Variants in ATRN observed in about 807,000 individuals in gnomAD.
The protein encoded by ATRN is attractin-2.
A neutral mutation model predicts 178.7 loss-of-function variants in ATRN; 54 were observed. The observed-to-expected ratio is 0.30, with a 90% CI of 0.24 to 0.38. The LOEUF (loss-of-function observed/expected upper bound fraction) is 0.38. Among genes scored for constraint, ATRN ranks in the 10% least tolerant of loss-of-function variants. The pLI, the probability that ATRN is intolerant of heterozygous loss-of-function variation, is 1.00. For missense variants in ATRN, 1,443 were observed against 1,815.1 expected (o/e 0.79, Z 3.73); for synonymous variants, 636 against 663.0 (o/e 0.96, Z 0.63).
chr20:3,487,734 T>C (rs186675451), intron 1 of ATRN, among the ~76,000 whole-genome samples: 2 of 152,348 alleles, frequency 1.3e-5, no homozygotes, highest in African/African-American at 4.8e-5. Context: ...ATGTTAATTT[T>C]ATTTTCTTAT....
rs374269038 is a variant in ATRN at position 3,598,003 on chromosome 20, A to G, written c.3564+3A>G. 12 of 1,583,032 alleles carry G rather than the reference A, an allele frequency of 7.6e-6. No homozygotes were observed. The African/African-American group carries it at 1.5e-4, about 20-fold the overall frequency. ...ATTTTGTGGCTACTCCTGACGAAGT[A>G]AGATTTTTTAAAGTCTTCCTATTTT... On this transcript the variant is annotated splice_donor_region_variant and intron_variant, in intron 22 of 28. Transcript: ENST00000262919.
intron 1 of ATRN, among the ~76,000 whole-genome samples, chr20:3,509,415 A>G (rs902611659): frequency 2.6e-5 from 4 of 152,224 alleles, no homozygotes; most frequent in African/African-American, 7.2e-5. Flanking sequence ...TCTACCAGAA[A>G]AAATGATTCT....
chr20:3,615,131 G>A (rs552880698), intron 24 of ATRN, among the ~76,000 whole-genome samples: 1 of 152,138 alleles, frequency 6.6e-6, no homozygotes, highest in Admixed American at 6.5e-5. Flanking sequence ...GGTGTTAATT[G>A]TCTGTATCTT....
chr20:3,498,048 A>T (rs1256722176), intron 1 of ATRN, among the ~76,000 whole-genome samples: 2 of 152,188 alleles, frequency 1.3e-5, no homozygotes, highest in Admixed American at 1.3e-4. Context: ...AGAATACTAC[A>T]AACACCTCTA....
intron 1 of ATRN, among the ~76,000 whole-genome samples, chr20:3,474,464 T>A (rs1050168412): frequency 6.6e-6 from 1 of 152,004 alleles, no homozygotes; most frequent in African/African-American, 2.4e-5. Flanking sequence ...ATCCCAGCAC[T>A]TTGGGAGGCC....
intron 25 of ATRN, among the ~76,000 whole-genome samples, chr20:3,630,943 T>TGGGA (rs2086985402): frequency 5.1e-5 from 3 of 58,912 alleles, no homozygotes; most frequent in Admixed American, 1.7e-4. Flanking sequence ...TTTTTTTTTT[T>TGGGA]TTTTTTTTTT....
At chr20:3,493,411 C>T (rs759053106) in intron 1 of ATRN, among the ~76,000 whole-genome samples, 5 of 151,432 alleles carry the variant, frequency 3.3e-5, no homozygotes, top group African/African-American at 4.9e-5. Flanking sequence ...CCATCTGCAT[C>T]GGCCTCCCAT....
chr20:3,559,459 T>C lies in ATRN; in HGVS notation c.1179T>C (p.Tyr393=). The part of the protein sequence containing the change: ...NRSVNNVVVR[Y]GHSLALYKDK... Reference sequence around the variant, plus strand: ...CTGTGAACAATGTGGTTGTTAGATATGGTCATTCTTTGGCATTATACAAGG... The same window carrying C: ...CTGTGAACAATGTGGTTGTTAGATACGGTCATTCTTTGGCATTATACAAGG... The change falls in exon 7 of 29, where the codon TAT becomes TAC. Residue 393 remains tyrosine, a synonymous_variant. Coordinates refer to ENST00000262919, the MANE Select transcript of ATRN (RefSeq NM_139321.3). The C allele has an allele frequency of 6.2e-7, 1 of 1,613,932 alleles. No homozygotes were observed. The highest frequency in any genetic ancestry group is 8.5e-7 in the Non-Finnish European group (1 of 1,179,806).
At chr20:3,597,398 A>G (rs948785320) in intron 21 of ATRN, among the ~76,000 whole-genome samples, 2 of 152,138 alleles carry the variant, frequency 1.3e-5, no homozygotes, top group African/African-American at 4.8e-5. Context: ...AGTGGCCAAT[A>G]AGCACATTAA....
At chr20:3,583,339 T>TAGG (rs2086306990) in intron 16 of ATRN, among the ~76,000 whole-genome samples, 1 of 152,238 alleles carries the variant, frequency 6.6e-6, no homozygotes, top group Non-Finnish European at 1.5e-5. Context: ...GCCCTACTTT[T>TAGG]ATGGAAAGAT....
intron 28 of ATRN, among the ~76,000 whole-genome samples, chr20:3,644,789 C>T (rs562926): frequency 0.24 from 35,882 of 152,130 alleles, 6,085 homozygotes; most frequent in East Asian, 0.81. Flanking sequence ...ACAAACACAA[C>T]GATAACATAA....
chr20:3,471,390 G>A lies in ATRN; in HGVS notation c.283G>A (p.Ala95Thr), dbSNP rs1245694205. The A allele has an allele frequency of 1.1e-5, 16 of 1,486,918 alleles. No homozygotes were observed. Among genetic ancestry groups the A allele is most frequent in the South Asian group, 1.3e-5 (1 of 77,902 alleles). 92.1% of individuals were successfully genotyped at this position (1,486,918 alleles called of 1,614,324 possible). Residue 95 changes from alanine to threonine, a missense_variant, in exon 1 of 29, where the codon GCA (alanine) becomes ACA (threonine). Ala to Thr is a moderately conservative substitution (Grantham distance 58, BLOSUM62 0). This residue lies in a region of ATRN where 862 missense variants were observed against 972.1 expected (regional missense o/e 0.89). Transcript: ENST00000262919. ...AAAAAVSGSA[A>T]AEAKECDRPC... The stretch of plus-strand genomic sequence containing the variant: ...GGCGGCGGCGGTGTCGGGCTCAGCC[G>A]CAGCCGAGGCCAAGGAATGTGACCG...
chr20:3,492,335 ATAGT>A (rs2084806849), intron 1 of ATRN, among the ~76,000 whole-genome samples: 1 of 152,082 alleles, frequency 6.6e-6, no homozygotes, highest in Non-Finnish European at 1.5e-5. Context: ...GACATTCTTA[ATAGT>A]TAGAATGTCA....
intron 16 of ATRN, among the ~76,000 whole-genome samples, chr20:3,582,733 T>A (rs1272815173): frequency 1.3e-5 from 2 of 151,928 alleles, no homozygotes; most frequent in Non-Finnish European, 2.9e-5. Context: ...AAGAAAAGAT[T>A]AGTAAAGCAA....
intron 1 of ATRN, among the ~76,000 whole-genome samples, chr20:3,523,384 A>T (rs2085322106): frequency 6.6e-6 from 1 of 152,114 alleles, no homozygotes; most frequent in African/African-American, 2.4e-5. Flanking sequence ...TGAAAAAGGA[A>T]CAAACAAAGC....
intron 26 of ATRN, among the ~76,000 whole-genome samples, chr20:3,637,168 G>A (rs929773087): frequency 3.3e-5 from 5 of 152,320 alleles, no homozygotes; most frequent in Admixed American, 2.0e-4. Flanking sequence ...GAATTTCTCT[G>A]TAACTGTGAA....
At chr20:3,604,377 T>C in intron 24 of ATRN, 115 bp downstream of exon 24, 1 of 1,236,266 alleles carries the variant, frequency 8.1e-7, no homozygotes, top group Non-Finnish European at 1.1e-6. Flanking sequence ...GCTTTGCCTT[T>C]GTAACGTGTA....
At chr20:3,608,914 C>T (rs1002093640) in intron 24 of ATRN, among the ~76,000 whole-genome samples, 2 of 150,258 alleles carry the variant, frequency 1.3e-5, no homozygotes, top group African/African-American at 2.5e-5. Context: ...CTGCAGTGAG[C>T]CAAGATTACG....
At chr20:3,536,923 G>A (rs2085541327) in intron 2 of ATRN, among the ~76,000 whole-genome samples, 1 of 152,146 alleles carries the variant, frequency 6.6e-6, no homozygotes, top group African/African-American at 2.4e-5. Context: ...AAAGTAAATT[G>A]CAGTATGGAA....
Sources: allele counts gnomAD v4.1 joint callset (sites outside exome capture counted in the v4.1 genomes callset), GRCh38; gene constraint gnomAD v4.1.1; regional missense constraint gnomAD v4.1.1; transcripts MANE v1.5; gene names NCBI Gene and HGNC (gene_info 2026-07-23, HGNC 2026-07-21).